CORO1B: variants seen among roughly 807,000 people sequenced by gnomAD.
The protein encoded by CORO1B is coronin-1B.
CORO1B carries 30 observed loss-of-function variants against 51.1 expected under a neutral mutation model. That is an observed-to-expected ratio of 0.59 (90% CI 0.44 to 0.80). CORO1B has a LOEUF of 0.80. Ranked by LOEUF, CORO1B falls within the 30% of genes least tolerant of loss-of-function variation. The pLI is 0.00. For missense variants in CORO1B, 648 were observed against 700.4 expected (o/e 0.93, Z 0.84); for synonymous variants, 310 against 289.7 (o/e 1.07, Z -0.71).
chr11:67,438,029 TGCA>T lies in CORO1B; in HGVS notation c.*344_*346del, dbSNP rs1406669254. 2 of 352,466 alleles carry T rather than the reference TGCA, an allele frequency of 5.7e-6. No homozygotes were observed. The highest frequency in any genetic ancestry group is 4.4e-5 in the Admixed American group (1 of 22,710). 21.8% of individuals were successfully genotyped at this position (352,466 alleles called of 1,614,324 possible). On this transcript the variant is annotated 3_prime_UTR_variant, in exon 11 of 11. Transcript: ENST00000341356. Reference sequence around the variant, plus strand: ...TTTCCAGACTTCTCAGCCCCACCCTTGCAGCAGCAGGTCAGCCTGGCTTTTAGA... The same window carrying T: ...TTTCCAGACTTCTCAGCCCCACCCTTGCAGCAGGTCAGCCTGGCTTTTAGA...
At chr11:67,439,922 C>T in intron 8 of CORO1B, 79 bp from the exon 9 acceptor site, 6 of 1,471,980 alleles carry the variant, frequency 4.1e-6, no homozygotes, top group South Asian at 1.3e-5. Context: ...GCATCCTCCA[C>T]TTCCAGTCCT....
Position 67,436,142 on chromosome 11 carries a change from C to G in CORO1B, c.*2234G>C. On this transcript the variant is annotated 3_prime_UTR_variant, in exon 11 of 11. Transcript: ENST00000341356. ...CCGCGTGCGGCCCCACAGCGCGGCA[C>G]CTAGGCGGGCCGGGTGGTAGTAGCC... is the stretch of plus-strand genomic sequence containing the variant. The G allele has an allele frequency of 6.4e-7, 1 of 1,574,762 alleles. No homozygotes were observed. Among genetic ancestry groups the G allele is most frequent in the Non-Finnish European group, 8.6e-7 (1 of 1,160,090 alleles).
Position 67,438,428 on chromosome 11 carries a change from C to T in CORO1B, c.1418G>A (p.Arg473His), listed in dbSNP as rs755285194. 1.4e-5 allele frequency: 23 copies of T among 1,610,686 alleles called. No individual in the cohort carries two copies. The highest frequency in any genetic ancestry group is 4.0e-5 in the African/African-American group (3 of 74,912). ...LRALVKEQGD[R>H]ICRLEEQLGR... ...CAGCTGCTCCTCCAGGCGGCAGATGCGGTCGCCCTGCTCCTTGACCAGCGC... is the reference window on the plus strand; with the variant it reads ...CAGCTGCTCCTCCAGGCGGCAGATGTGGTCGCCCTGCTCCTTGACCAGCGC... Residue 473 changes from arginine (R) to histidine (H), a missense_variant, in exon 11 of 11, where the codon CGC becomes CAC. Transcript: ENST00000341356.
At chr11:67,441,078 G>A (rs755199025) in intron 6 of CORO1B, 47 bp downstream of exon 6, 1 of 1,612,404 alleles carries the variant, frequency 6.2e-7, no homozygotes, top group Non-Finnish European at 8.5e-7. Context: ...GCCTGGCCCA[G>A]GGTGGGGCCC....
At chr11:67,442,739 A>G in intron 1 of CORO1B, 109 bp from the exon 2 acceptor site, 1 of 1,104,238 alleles carries the variant, frequency 9.1e-7, no homozygotes, top group Non-Finnish European at 1.3e-6. Context: ...AGGCCACCGT[A>G]ACCCTCCTGG....
chr11:67,440,783 G>T (rs1864378571), intron 6 of CORO1B: 2 of 647,096 alleles, frequency 3.1e-6, no homozygotes, highest in Non-Finnish European at 5.7e-6. Context: ...AGCAGAGAGG[G>T]CTGGGGCCAG....
rs991288934 is a variant in CORO1B, at chr11:67,436,661, G to A, written c.*1715C>T. The A allele has an allele frequency of 1.3e-5, 4 of 314,612 alleles. No individual in the cohort carries two copies. Among genetic ancestry groups the A allele is most frequent in the African/African-American group, 8.7e-5 (4 of 46,144 alleles). The allele number at this position is 314,612 out of a possible 1,614,324, so 19.5% of individuals were successfully genotyped here. A position where few individuals can be genotyped will look rare whatever the true frequency, so the allele number is the denominator to read the frequency against. On this transcript the variant is annotated 3_prime_UTR_variant, in exon 11 of 11. Coordinates refer to ENST00000341356, the MANE Select transcript of CORO1B (RefSeq NM_020441.3). ...CCTCCTCCCATCCTCCCCTCCCCCG[G>A]GCTGCATGGCCTGCTCACCGTGCTC... is the stretch of plus-strand genomic sequence containing the variant.
Position 67,442,082 on chromosome 11 carries a change from G to A in CORO1B, c.208C>T (p.Arg70Cys), listed in dbSNP as rs781711099. 5 of 1,610,888 alleles carry A rather than the reference G, an allele frequency of 3.1e-6. 1 individual carries two copies. The Admixed American group carries it at 5.0e-5, about 16-fold the overall frequency. The change falls in exon 3 of 11, where the codon CGC (arginine) becomes TGC (cysteine). Residue 70 changes from arginine to cysteine, a missense_variant. Physicochemically the swap from Arg to Cys is radical, Grantham distance 180. Coordinates refer to ENST00000341356, the MANE Select transcript of CORO1B (RefSeq NM_020441.3). ...ACCGTCGGGTAGGCCTTGTCAATGC[G>A]GCCCGTCTGTGGGCACGAGGGGGCA... is the stretch of plus-strand genomic sequence containing the variant. ...FLVLPLSKTG[R>C]IDKAYPTVCG...
At position 67,441,519 on chromosome 11, in the gene CORO1B, C is replaced by T; in HGVS notation, c.455-5G>A. On this transcript the variant is annotated splice_polypyrimidine_tract_variant and splice_region_variant and intron_variant, in intron 4 of 10. Transcript: ENST00000341356. Reference sequence around the variant, plus strand: ...TGAGTACCACGTTGTCGCAGCCTGGCAGGTGAGGGTTGTCAGCTCGGGCCG... The same window carrying T: ...TGAGTACCACGTTGTCGCAGCCTGGTAGGTGAGGGTTGTCAGCTCGGGCCG... The T allele has an allele frequency of 6.2e-7, 1 of 1,610,094 alleles. No homozygotes were observed.
chr11:67,438,044 G>A lies in CORO1B; in HGVS notation c.*332C>T. On this transcript the variant is annotated 3_prime_UTR_variant, in exon 11 of 11. Transcript: ENST00000341356. The stretch of plus-strand genomic sequence containing the variant: ...GCCCCACCCTTGCAGCAGCAGGTCA[G>A]CCTGGCTTTTAGAAAGAGAATTTTA... The A allele has an allele frequency of 2.8e-6, 1 of 358,762 alleles. No individual in the cohort carries two copies. Among genetic ancestry groups the A allele is most frequent in the East Asian group, 4.2e-5 (1 of 23,602 alleles). 22.2% of individuals were successfully genotyped at this position (358,762 alleles called of 1,614,324 possible). A position where few individuals can be genotyped will look rare whatever the true frequency, so the allele number is the denominator to read the frequency against.
In CORO1B at chr11:67,436,856, A is replaced by G. The variant is rs1436901328; in HGVS notation, c.*1520T>C. On this transcript the variant is annotated 3_prime_UTR_variant, in exon 11 of 11. Transcript: ENST00000341356. Reference sequence around the variant, plus strand: ...GTCTATTGTCTTATCTACCCCCCACAATAAGCTGCTAGGAAACGGGGGCTT... The same window carrying G: ...GTCTATTGTCTTATCTACCCCCCACGATAAGCTGCTAGGAAACGGGGGCTT... The G allele has an allele frequency of 3.2e-5, 5 of 154,256 alleles. No individual in the cohort carries two copies. The highest frequency in any genetic ancestry group is 4.1e-4 in the South Asian group (2 of 4,874). 9.6% of individuals were successfully genotyped at this position (154,256 alleles called of 1,614,324 possible).
In CORO1B at chr11:67,440,270, G is replaced by A; in HGVS notation, c.862-7C>T. The A allele has an allele frequency of 6.2e-7, 1 of 1,613,190 alleles. No homozygotes were observed. Among genetic ancestry groups the A allele is most frequent in the Non-Finnish European group, 8.5e-7 (1 of 1,179,500 alleles). ...ACCGGATGCTGGAGTCACCCTGTGT[G>A]GGGAGGGGGCTCAGCACCTGGGCAC... On this transcript the variant is annotated splice_polypyrimidine_tract_variant and splice_region_variant and intron_variant, in intron 7 of 10. Coordinates refer to ENST00000341356, the MANE Select transcript of CORO1B (RefSeq NM_020441.3).
In CORO1B at chr11:67,440,759, G is replaced by A. The variant is rs906944229; in HGVS notation, c.757-320C>T. The A allele has an allele frequency of 3.9e-5, 25 of 642,106 alleles. No homozygotes were observed. In the African/African-American group the frequency reaches 4.1e-4, roughly 11 times the overall value. The allele number at this position is 642,106 out of a possible 1,614,324, so 39.8% of individuals were successfully genotyped here. A position where few individuals can be genotyped will look rare whatever the true frequency, so the allele number is the denominator to read the frequency against. Reference sequence around the variant, plus strand: ...CAGCCCCTGCTCAAGGTGCCCTGGAGGTCACTATGCAGAAGCAGAGAGGGC... The same window carrying A: ...CAGCCCCTGCTCAAGGTGCCCTGGAAGTCACTATGCAGAAGCAGAGAGGGC... On this transcript the variant is annotated intron_variant, in intron 6 of 10. Coordinates refer to ENST00000341356, the MANE Select transcript of CORO1B (RefSeq NM_020441.3).
chr11:67,436,453 G>T lies in CORO1B; in HGVS notation c.*1923C>A. 1 of 1,318,160 alleles carries T rather than the reference G, an allele frequency of 7.6e-7. No individual in the cohort carries two copies. The highest frequency in any genetic ancestry group is 1.0e-6 in the Non-Finnish European group (1 of 1,002,440). 81.7% of individuals were successfully genotyped at this position (1,318,160 alleles called of 1,614,324 possible). ...ACCACTTTCGTTTTTTTCTCTTTGGGATCCTCTTGGGACAGCCAAGCAGAA... is the reference window on the plus strand; with the variant it reads ...ACCACTTTCGTTTTTTTCTCTTTGGTATCCTCTTGGGACAGCCAAGCAGAA... On this transcript the variant is annotated 3_prime_UTR_variant, in exon 11 of 11. Transcript: ENST00000341356.
In CORO1B at chr11:67,437,482, C is replaced by T; in HGVS notation, c.*894G>A. ...CTCAGGTGAGAGAAAGGTTCAGCCT[C>T]TGCCATACTCCTCTTAGGTCTCACC... On this transcript the variant is annotated 3_prime_UTR_variant, in exon 11 of 11. Coordinates refer to ENST00000341356, the MANE Select transcript of CORO1B (RefSeq NM_020441.3). 1 of 1,083,368 alleles carries T rather than the reference C, an allele frequency of 9.2e-7. No homozygotes were observed. Among genetic ancestry groups the T allele is most frequent in the Non-Finnish European group, 1.2e-6 (1 of 815,132 alleles). 67.1% of individuals were successfully genotyped at this position (1,083,368 alleles called of 1,614,324 possible).
rs2135139954 is a variant in CORO1B, at chr11:67,438,424, G to A, written c.1422C>T (p.Ile474=). 1 of 1,610,628 alleles carries A rather than the reference G, an allele frequency of 6.2e-7. No individual in the cohort carries two copies. The highest frequency in any genetic ancestry group is 2.2e-5 in the East Asian group (1 of 44,784). ...GGCCCAGCTGCTCCTCCAGGCGGCA[G>A]ATGCGGTCGCCCTGCTCCTTGACCA... The part of the protein sequence containing the change: ...RALVKEQGDR[I]CRLEEQLGRM... The change falls in exon 11 of 11, where the codon ATC becomes ATT. Residue 474 remains isoleucine (I), a synonymous_variant. Transcript: ENST00000341356.
rs149251927 is a variant in CORO1B at position 67,440,430 on chromosome 11, C to T, written c.766G>A (p.Glu256Lys). ...AGTTCCTGCAGGGCCATGGGTTCCT[C>T]GAGGTTTTCCTGGCACATTGCAGGC... The part of the protein sequence containing the change: ...QLALWDPENL[E>K]EPMALQELDS... Residue 256 changes from glutamate to lysine, a missense_variant, in exon 7 of 11, where the codon GAG becomes AAG. Transcript: ENST00000341356. 12 of 1,613,668 alleles carry T rather than the reference C, an allele frequency of 7.4e-6. No individual in the cohort carries two copies. The highest frequency in any genetic ancestry group is 2.7e-5 in the African/African-American group (2 of 74,928).
At chr11:67,442,331 T>A in intron 2 of CORO1B, 97 bp downstream of exon 2, 1 of 1,363,390 alleles carries the variant, frequency 7.3e-7, no homozygotes, top group Non-Finnish European at 1.0e-6. Context: ...TGCCCAGCAG[T>A]GTGAGAAACG....
chr11:67,437,514 C>CTGGGGCCAATGTGGGGCCCTCCT lies in CORO1B; in HGVS notation c.*839_*861dup, dbSNP rs1176273103. 2.4e-6 allele frequency: 3 copies of CTGGGGCCAATGTGGGGCCCTCCT among 1,267,542 alleles called. No homozygotes were observed. The Admixed American group carries it at 9.2e-5, about 39-fold the overall frequency. 78.5% of individuals were successfully genotyped at this position (1,267,542 alleles called of 1,614,324 possible). On this transcript the variant is annotated 3_prime_UTR_variant, in exon 11 of 11. Coordinates refer to ENST00000341356, the MANE Select transcript of CORO1B (RefSeq NM_020441.3). ...ACTCCTCTTAGGTCTCACCTCTTCC[C>CTGGGGCCAATGTGGGGCCCTCCT]TGGGGCCAATGTGGGGCCCTCCTTA...
Sources: allele counts gnomAD v4.1 joint callset, GRCh38; gene constraint gnomAD v4.1.1; transcripts MANE v1.5; gene names NCBI Gene and HGNC (gene_info 2026-07-23, HGNC 2026-07-21).